PTPRN2: variants seen among roughly 807,000 people sequenced by gnomAD.
PTPRN2 encodes the protein receptor-type tyrosine-protein phosphatase N2.
PTPRN2 carries 74 observed loss-of-function variants against 118.8 expected under a neutral mutation model. The observed-to-expected ratio is 0.62, with a 90% CI of 0.52 to 0.76. The LOEUF (loss-of-function observed/expected upper bound fraction) is 0.76. Ranked by LOEUF, PTPRN2 falls within the 30% of genes least tolerant of loss-of-function variation. The probability of loss-of-function intolerance (pLI) is 0.00; values close to 1 mark genes in which losing one functional copy is unlikely to be tolerated. For missense variants in PTPRN2, 1,481 were observed against 1,394.4 expected (o/e 1.06, Z -0.99); for synonymous variants, 641 against 608.0 (o/e 1.05, Z -0.80).
intron 2 of PTPRN2, among the ~76,000 whole-genome samples, chr7:158,320,716 TTAA>T (rs1802945125): frequency 3.3e-5 from 5 of 152,208 alleles, no homozygotes; most frequent in Admixed American, 3.3e-4. Flanking sequence ...ATCTCCGTAT[TTAA>T]AGGACTTCAT....
At chr7:157,824,420 C>T (rs1807043080) in intron 12 of PTPRN2, among the ~76,000 whole-genome samples, 1 of 152,242 alleles carries the variant, frequency 6.6e-6, no homozygotes. Flanking sequence ...GGTGCCCCAC[C>T]TGTCCAATGG....
intron 3 of PTPRN2, among the ~76,000 whole-genome samples, chr7:158,224,187 T>C (rs1433887994): frequency 3.9e-5 from 6 of 152,180 alleles, no homozygotes; most frequent in Admixed American, 3.3e-4. Flanking sequence ...TCTCCCCAGA[T>C]TGATACAGAG....
At chr7:158,276,707 AG>A (rs1799030309) in intron 3 of PTPRN2, among the ~76,000 whole-genome samples, 1 of 152,316 alleles carries the variant, frequency 6.6e-6, no homozygotes, top group Middle Eastern at 3.4e-3. Flanking sequence ...CAGGGGCTCC[AG>A]GGAAGCTGAT....
chr7:157,894,686 C>T lies in PTPRN2; in HGVS notation c.1788+3987G>A, dbSNP rs186902877. On this transcript the variant is annotated intron_variant, in intron 12 of 22. Coordinates refer to ENST00000389418, the MANE Select transcript of PTPRN2 (RefSeq NM_002847.5). Reference sequence around the variant, plus strand: ...TGGGGTGTGAGTTCCTATAGTCACACGAGGACAGCCCATGTGGCCTTGGGG... The same window carrying T: ...TGGGGTGTGAGTTCCTATAGTCACATGAGGACAGCCCATGTGGCCTTGGGG... Among the ~76,000 whole-genome samples the T allele has an allele frequency of 1.4e-3, 214 of 152,132 alleles. 1 individual carries two copies. Among genetic ancestry groups the T allele is most frequent in the Non-Finnish European group, 1.8e-3 (119 of 67,996 alleles).
chr7:158,150,467 G>A (rs117775152), intron 6 of PTPRN2, among the ~76,000 whole-genome samples: 2,230 of 152,278 alleles, frequency 0.015, 31 homozygotes, highest in African/African-American at 0.018. Context: ...CGCAGCAGGC[G>A]GATGTTCCTG....
rs1029865388 is a variant in PTPRN2 at position 157,618,078 on chromosome 7, G to A, written c.2344+3284C>T. 6.6e-5 allele frequency: 10 copies of A among 152,262 alleles called. No individual in the cohort carries two copies. The highest frequency in any genetic ancestry group is 2.2e-4 in the African/African-American group (9 of 41,458). The allele number at this position is 152,262 out of a possible 1,614,324, so 9.4% of individuals were successfully genotyped here. A position where few individuals can be genotyped will look rare whatever the true frequency, so the allele number is the denominator to read the frequency against. On this transcript the variant is annotated intron_variant, in intron 15 of 22. Coordinates refer to ENST00000389418, the MANE Select transcript of PTPRN2 (RefSeq NM_002847.5). This position sits in a 1 kb window ranked among gnomAD's most constrained non-coding sequence, Gnocchi z 4.2. Reference sequence around the variant, plus strand: ...CTAGACCTAGCATGGTGCCAGCCAAGCATTGCATAATGTGTGTTTCCTTCT... The same window carrying A: ...CTAGACCTAGCATGGTGCCAGCCAAACATTGCATAATGTGTGTTTCCTTCT...
chr7:157,889,301 C>T (rs962315158), intron 12 of PTPRN2, among the ~76,000 whole-genome samples: 1 of 151,312 alleles, frequency 6.6e-6, no homozygotes, highest in Non-Finnish European at 1.5e-5. Context: ...CTGGTTACCG[C>T]CCCCCTCTCA....
At chr7:158,033,723 A>T (rs1807864771) in intron 11 of PTPRN2, among the ~76,000 whole-genome samples, 1 of 150,426 alleles carries the variant, frequency 6.6e-6, no homozygotes, top group Admixed American at 6.6e-5. Context: ...GGCTGGCTGC[A>T]CACTGAGACC....
At chr7:157,542,959 C>T (rs901475914) in intron 22 of PTPRN2, among the ~76,000 whole-genome samples, 2 of 152,266 alleles carry the variant, frequency 1.3e-5, no homozygotes, top group Admixed American at 6.5e-5. Context: ...CATGCGGCGC[C>T]GGGATGTAGC....
At chr7:157,693,679 G>T (rs148919577) in intron 12 of PTPRN2, among the ~76,000 whole-genome samples, 1 of 152,118 alleles carries the variant, frequency 6.6e-6, no homozygotes, top group Non-Finnish European at 1.5e-5. Context: ...GCCTCGGGGA[G>T]CTCCCGGCCA....
chr7:158,578,587 G>C (rs1446374135), intron 1 of PTPRN2, among the ~76,000 whole-genome samples: 1 of 149,826 alleles, frequency 6.7e-6, no homozygotes, highest in African/African-American at 2.5e-5. Context: ...ACGCAGGTTT[G>C]TTACGTGGGT....
rs35433681 is a variant in PTPRN2 at position 158,522,032 on chromosome 7, G to A, written c.113-32247C>T. On this transcript the variant is annotated intron_variant, in intron 1 of 22. Transcript: ENST00000389418. ...TCCACGTCACAATGGTGGACTGTCC[G>A]GGTAGTGGCTCAGGGGGGAGGTCCA... Among the ~76,000 whole-genome samples the A allele has an allele frequency of 4.1e-3, 149 of 36,450 alleles. 2 individuals carry two copies. Among genetic ancestry groups the A allele is most frequent in the Non-Finnish European group, 5.3e-3 (99 of 18,772 alleles). 23.9% of individuals were successfully genotyped at this position (36,450 alleles called of 152,430 possible).
intron 2 of PTPRN2, among the ~76,000 whole-genome samples, chr7:158,371,957 C>T (rs543215367): frequency 4.2e-4 from 64 of 152,354 alleles, no homozygotes; most frequent in African/African-American, 1.5e-3. Context: ...CAGCGTCCGT[C>T]GTGGCCCCGG....
At chr7:158,235,180 T>C (rs1415328934) in intron 3 of PTPRN2, among the ~76,000 whole-genome samples, 1 of 152,210 alleles carries the variant, frequency 6.6e-6, no homozygotes, top group Non-Finnish European at 1.5e-5. Flanking sequence ...GAGAATAGTA[T>C]GGAGGTTGCT....
rs1804131501 is a variant in PTPRN2 at position 157,787,405 on chromosome 7, C to G, written c.1789-104468G>C. Among the ~76,000 whole-genome samples the G allele has an allele frequency of 6.6e-6, 1 of 152,132 alleles. No individual in the cohort carries two copies. Among genetic ancestry groups the G allele is most frequent in the Non-Finnish European group, 1.5e-5 (1 of 68,018 alleles). The stretch of plus-strand genomic sequence containing the variant: ...GACATCTGAAGATGCCATAGAAAGT[C>G]TGGCGCAGCAGCCGGTGGGCCTGGG... On this transcript the variant is annotated intron_variant, in intron 12 of 22. Coordinates refer to ENST00000389418, the MANE Select transcript of PTPRN2 (RefSeq NM_002847.5). This position sits in a 1 kb window ranked among gnomAD's most constrained non-coding sequence, Gnocchi z 5.3.
chr7:158,575,855 C>T (rs904468870), intron 1 of PTPRN2, among the ~76,000 whole-genome samples: 5 of 152,028 alleles, frequency 3.3e-5, no homozygotes. Context: ...ATAATAATTT[C>T]AGTATTACTA....
In PTPRN2 at chr7:158,419,792, C is replaced by T. The variant is rs376034220; in HGVS notation, c.163+69943G>A. 5.8e-4 allele frequency among the ~76,000 whole-genome samples: 88 copies of T among 152,230 alleles called. 2 individuals carry two copies. In the South Asian group the frequency reaches 0.015, roughly 26 times the overall value. Reference sequence around the variant, plus strand: ...CAGAAGCTCACACGTGATGTCTGACCGGACTTGGAAGCTCAGCACTTCGTT... The same window carrying T: ...CAGAAGCTCACACGTGATGTCTGACTGGACTTGGAAGCTCAGCACTTCGTT... On this transcript the variant is annotated intron_variant, in intron 2 of 22. Coordinates refer to ENST00000389418, the MANE Select transcript of PTPRN2 (RefSeq NM_002847.5).
Position 158,275,333 on chromosome 7 carries a change from G to A in PTPRN2, c.277+41486C>T, listed in dbSNP as rs892732434. Among the ~76,000 whole-genome samples the A allele has an allele frequency of 3.9e-5, 6 of 152,168 alleles. No individual in the cohort carries two copies. The East Asian group carries it at 7.7e-4, about 20-fold the overall frequency. ...CATGGGAAGGCGCGCACCTCCTCAC[G>A]CCTCTCCAGGGAAGCCACAGCTTCA... On this transcript the variant is annotated intron_variant, in intron 3 of 22. Coordinates refer to ENST00000389418, the MANE Select transcript of PTPRN2 (RefSeq NM_002847.5).
At chr7:157,911,771 CT>C (rs564116855) in intron 11 of PTPRN2, among the ~76,000 whole-genome samples, 26 of 151,552 alleles carry the variant, frequency 1.7e-4, no homozygotes, top group African/African-American at 6.0e-4. Context: ...TGTATGTAGA[CT>C]TTTTTTTTCA....
Sources: gnomAD v4.1 joint callset for allele counts (sites outside exome capture counted in the v4.1 genomes callset) on GRCh38, gnomAD v4.1.1 for gene constraint, Gnocchi (gnomAD v3.1) non-coding constraint, MANE v1.5 for transcripts, NCBI Gene and HGNC (gene_info 2026-07-23, HGNC 2026-07-21) for gene names.